Variants in WDFY4 observed in about 807,000 individuals in gnomAD.
The protein encoded by WDFY4 is WDFY family member 4.
In WDFY4, 169 loss-of-function variants were observed where a neutral mutation model predicts 351.9. That is an observed-to-expected ratio of 0.48 (90% confidence interval 0.42 to 0.55). WDFY4 has a LOEUF of 0.55. Ranked by LOEUF, WDFY4 falls within the 20% of genes least tolerant of loss-of-function variation. The probability of loss-of-function intolerance (pLI) is 0.00; values close to 1 mark genes in which losing one functional copy is unlikely to be tolerated. For synonymous variants in WDFY4, 1,622 were observed against 1,574.6 expected (o/e 1.03, Z -0.71); for missense variants, 3,803 against 3,935.6 (o/e 0.97, Z 0.90).
intron 53 of WDFY4, among the ~76,000 whole-genome samples, chr10:48,962,286 T>G (rs1282508119): frequency 6.6e-6 from 1 of 152,222 alleles, no homozygotes; most frequent in Non-Finnish European, 1.5e-5. Flanking sequence ...GTGGCCTTCT[T>G]GGCTCCAAAG....
intron 31 of WDFY4, among the ~76,000 whole-genome samples, chr10:48,816,310 C>A (rs916902833): frequency 6.6e-6 from 1 of 152,108 alleles, no homozygotes; most frequent in Non-Finnish European, 1.5e-5. Flanking sequence ...TATCAGTCTC[C>A]TGATTTTATT....
chr10:48,732,998 TC>T (rs1232498154), intron 9 of WDFY4, among the ~76,000 whole-genome samples: 1 of 152,252 alleles, frequency 6.6e-6, no homozygotes, highest in Non-Finnish European at 1.5e-5. Flanking sequence ...GTAACTTCTG[TC>T]CTTAAATCCC....
intron 44 of WDFY4, among the ~76,000 whole-genome samples, chr10:48,895,682 A>G (rs533275393): frequency 6.6e-6 from 1 of 152,364 alleles, no homozygotes; most frequent in Non-Finnish European, 1.5e-5. Flanking sequence ...AAGGCATTTC[A>G]GTTATTTCCA....
chr10:48,889,038 G>A (rs988607045), intron 43 of WDFY4, among the ~76,000 whole-genome samples: 4 of 152,196 alleles, frequency 2.6e-5, no homozygotes, highest in South Asian at 4.1e-4. Flanking sequence ...GGCTGAATCC[G>A]TAACTGCTGA....
intron 40 of WDFY4, among the ~76,000 whole-genome samples, chr10:48,872,421 G>A (rs1301899869): frequency 6.6e-6 from 1 of 152,206 alleles, no homozygotes. Flanking sequence ...TCATGGGGAT[G>A]ATCGAAAATA....
intron 1 of WDFY4, among the ~76,000 whole-genome samples, chr10:48,699,432 C>T (rs941153019): frequency 2.6e-5 from 4 of 152,146 alleles, no homozygotes; most frequent in African/African-American, 4.8e-5. Flanking sequence ...AATACATCAC[C>T]GATGTGGGCA....
At chr10:48,742,489 C>T (rs991400846) in intron 11 of WDFY4, among the ~76,000 whole-genome samples, 23 of 152,206 alleles carry the variant, frequency 1.5e-4, no homozygotes, top group Non-Finnish European at 5.9e-5. Context: ...GATGGTTCAT[C>T]CCACTCATTT....
chr10:48,736,258 A>C, intron 11 of WDFY4, 188 bp downstream of exon 11: 1 of 672,752 alleles, frequency 1.5e-6, no homozygotes, highest in Non-Finnish European at 2.6e-6. Context: ...GTACATTTGA[A>C]ATTTCTTTGC....
At chr10:48,853,548 C>T (rs903153517) in intron 39 of WDFY4, among the ~76,000 whole-genome samples, 4 of 152,198 alleles carry the variant, frequency 2.6e-5, no homozygotes, top group African/African-American at 7.2e-5. Flanking sequence ...GCTGTCATAA[C>T]ACTGTCCTAA....
intron 47 of WDFY4, among the ~76,000 whole-genome samples, chr10:48,917,075 A>G (rs1838617883): frequency 6.6e-6 from 1 of 152,228 alleles, no homozygotes; most frequent in Non-Finnish European, 1.5e-5. Flanking sequence ...GTACAGTAAC[A>G]TGCTGTACAG....
intron 51 of WDFY4, among the ~76,000 whole-genome samples, chr10:48,947,547 C>T (rs1054339332): frequency 4.6e-5 from 7 of 152,104 alleles, no homozygotes; most frequent in Admixed American, 4.6e-4. Flanking sequence ...GTTGTTTATA[C>T]AAAATTTAAG....
Position 48,774,546 on chromosome 10 carries a change from G to C in WDFY4, c.2642G>C (p.Gly881Ala). 6.4e-7 allele frequency: 1 copy of C among 1,551,662 alleles called. No individual in the cohort carries two copies. The highest frequency in any genetic ancestry group is 8.7e-7 in the Non-Finnish European group (1 of 1,146,954). Reference protein sequence around the residue: ...EKNRQVMCEAGLLGTLMASCH... With the variant: ...EKNRQVMCEAALLGTLMASCH... ...AACCGCCAGGTCATGTGCGAAGCAGGCTTGCTTGGGACCCTCATGGCCTCC... is the reference window on the plus strand; with the variant it reads ...AACCGCCAGGTCATGTGCGAAGCAGCCTTGCTTGGGACCCTCATGGCCTCC... The change falls in exon 14 of 62, where the codon GGC (glycine) becomes GCC (alanine). Residue 881 changes from glycine (G) to alanine (A), a missense_variant. Around this residue, in one of 3 missense-constraint regions of WDFY4, gnomAD observed 3,054 missense variants for 3,148.6 expected, o/e 0.97. Transcript: ENST00000325239.
intron 41 of WDFY4, 103 bp from the exon 42 acceptor site, chr10:48,874,986 G>T: frequency 1.8e-6 from 1 of 554,884 alleles, no homozygotes; most frequent in Non-Finnish European, 2.9e-6. Flanking sequence ...ATTTGAAGGG[G>T]TCACATGCAT....
rs977112005 is a variant in WDFY4, at chr10:48,876,975, G to A, written c.7001-58G>A. 1.2e-4 allele frequency: 178 copies of A among 1,431,288 alleles called. 2 individuals carry two copies. In the African/African-American group the frequency reaches 2.5e-3, roughly 20 times the overall value. The allele number at this position is 1,431,288 out of a possible 1,614,324, so 88.7% of individuals were successfully genotyped here. A position where few individuals can be genotyped will look rare whatever the true frequency, so the allele number is the denominator to read the frequency against. On this transcript the variant is annotated intron_variant, in intron 42 of 61. Transcript: ENST00000325239. ...TGATGTAGGCACATGCTGTGCACCG[G>A]CCCTTACCATGTCAGGTGGCTCCTG...
intron 59 of WDFY4, 63 bp from the exon 60 acceptor site, chr10:48,978,246 G>A (rs1402342370): frequency 3.3e-6 from 5 of 1,513,640 alleles, no homozygotes; most frequent in Middle Eastern, 1.7e-4. Flanking sequence ...AATGGACTAG[G>A]CCACTCCAAG....
chr10:48,768,971 C>T (rs1385865076), intron 13 of WDFY4, among the ~76,000 whole-genome samples: 3 of 152,092 alleles, frequency 2.0e-5, no homozygotes, highest in Non-Finnish European at 4.4e-5. Flanking sequence ...GTCACTACGG[C>T]TGCAGTACAG....
intron 47 of WDFY4, chr10:48,914,122 T>C (rs1838277218): frequency 6.2e-7 from 1 of 1,614,168 alleles, no homozygotes; most frequent in Non-Finnish European, 8.5e-7. Context: ...AGGGTGATCT[T>C]CTTGCCCTTG....
intron 3 of WDFY4, among the ~76,000 whole-genome samples, chr10:48,720,920 C>T (rs9971048): frequency 0.051 from 7,561 of 149,304 alleles, 339 homozygotes; most frequent in African/African-American, 0.11. Context: ...TTCAGGAATT[C>T]TTGCAGCATA....
intron 58 of WDFY4, among the ~76,000 whole-genome samples, chr10:48,976,356 A>G (rs77725359): frequency 0.016 from 2,379 of 152,290 alleles, 67 homozygotes; most frequent in African/African-American, 0.054. Context: ...CAAGCTTATG[A>G]GCCACATGCA....
Sources: allele counts gnomAD v4.1 joint callset (sites outside exome capture counted in the v4.1 genomes callset), GRCh38; gene constraint gnomAD v4.1.1; regional missense constraint gnomAD v4.1.1; transcripts MANE v1.5; gene names NCBI Gene and HGNC (gene_info 2026-07-23, HGNC 2026-07-21).